Variants in NOS1 observed in about 807,000 individuals in gnomAD.
The protein encoded by NOS1 is NOS type I.
A neutral mutation model predicts 164.5 loss-of-function variants in NOS1; 51 were observed. That is an observed-to-expected ratio of 0.31 (90% CI 0.25 to 0.39). NOS1 has a LOEUF of 0.39. Ranked by LOEUF, NOS1 falls within the 10% of genes least tolerant of loss-of-function variation. The pLI is 1.00. For synonymous variants in NOS1, 719 were observed against 745.8 expected (o/e 0.96, Z 0.59); for missense variants, 1,362 against 1,885.6 (o/e 0.72, Z 5.14).
chr12:117,242,909 C>T (rs1870301965), intron 19 of NOS1, among the ~76,000 whole-genome samples: 1 of 152,204 alleles, frequency 6.6e-6, no homozygotes, highest in Admixed American at 6.5e-5. Flanking sequence ...AACAAACACT[C>T]TGCAGCATTG....
In NOS1 at chr12:117,212,979, T is replaced by C; in HGVS notation, c.*2330A>G. ...AAGGTGTTTACTTAAAAAAAAATCT[T>C]TCTGGAGAAGAAGGATGAATCCTGG... On this transcript the variant is annotated 3_prime_UTR_variant, in exon 29 of 29. Transcript: ENST00000317775. 1 of 985,220 alleles carries C rather than the reference T, an allele frequency of 1.0e-6. No homozygotes were observed. The highest frequency in any genetic ancestry group is 1.2e-6 in the Non-Finnish European group (1 of 829,910). The allele number at this position is 985,220 out of a possible 1,614,324, so 61.0% of individuals were successfully genotyped here. A position where few individuals can be genotyped will look rare whatever the true frequency, so the allele number is the denominator to read the frequency against.
chr12:117,322,320 TCCTTCCC>T (rs1875000877), intron 2 of NOS1, among the ~76,000 whole-genome samples: 2 of 88,296 alleles, frequency 2.3e-5, no homozygotes, highest in Non-Finnish European at 5.0e-5. Flanking sequence ...TCCCTCCTCT[TCCTTCCC>T]TCCTTCCTTC....
In NOS1 at chr12:117,356,436, GT is replaced by G. The variant is rs1287495753; in HGVS notation, c.-421+5075del. On this transcript the variant is annotated intron_variant, in intron 1 of 28. Coordinates refer to ENST00000317775, the MANE Select transcript of NOS1 (RefSeq NM_000620.5). The surrounding 1 kb of genome is among the most constrained non-coding windows in gnomAD (Gnocchi z 4.2). ...TCCTCCCTGATTCCTTCAACCACCTGTCCTGGGTCCTACCACAGCACCTCAC... is the reference window on the plus strand; with the variant it reads ...TCCTCCCTGATTCCTTCAACCACCTGCCTGGGTCCTACCACAGCACCTCAC... 3.3e-5 allele frequency among the ~76,000 whole-genome samples: 5 copies of G among 152,140 alleles called. No homozygotes were observed. The East Asian group carries it at 9.7e-4, about 29-fold the overall frequency.
At chr12:117,229,378 T>G (rs1281474639) in intron 22 of NOS1, among the ~76,000 whole-genome samples, 2 of 152,162 alleles carry the variant, frequency 1.3e-5, no homozygotes, top group Non-Finnish European at 2.9e-5. Flanking sequence ...CCTTTCTTCC[T>G]TTTCCTTTGG....
chr12:117,351,140 C>T (rs997770793), intron 1 of NOS1, among the ~76,000 whole-genome samples: 1 of 152,110 alleles, frequency 6.6e-6, no homozygotes, highest in African/African-American at 2.4e-5. Flanking sequence ...AAAAAAAAGT[C>T]TCTTGCCCTC....
chr12:117,214,994 C>G lies in NOS1; in HGVS notation c.*315G>C, dbSNP rs9658558. On this transcript the variant is annotated 3_prime_UTR_variant, in exon 29 of 29. Coordinates refer to ENST00000317775, the MANE Select transcript of NOS1 (RefSeq NM_000620.5). ...CAGGGGAACCCCAGAGAAAAAAACCCCCACAGCGACGGCCATGTTCCAGTG... is the reference window on the plus strand; with the variant it reads ...CAGGGGAACCCCAGAGAAAAAAACCGCCACAGCGACGGCCATGTTCCAGTG... 1 of 1,129,680 alleles carries G rather than the reference C, an allele frequency of 8.9e-7. No homozygotes were observed. The highest frequency in any genetic ancestry group is 1.6e-5 in the African/African-American group (1 of 62,140). 70.0% of individuals were successfully genotyped at this position (1,129,680 alleles called of 1,614,324 possible).
In NOS1 at chr12:117,243,743, T is replaced by TCCATCCATCCAC. The variant is rs942766750; in HGVS notation, c.2824-320_2824-309dup. Among the ~76,000 whole-genome samples, 3 of 151,858 alleles carry TCCATCCATCCAC rather than the reference T, an allele frequency of 2.0e-5. No homozygotes were observed. Among genetic ancestry groups the TCCATCCATCCAC allele is most frequent in the Non-Finnish European group, 4.4e-5 (3 of 67,930 alleles). ...ATCCATGTATCTATCTTTCCATCCA[T>TCCATCCATCCAC]CCATCCATCCACCCATCCATCCACC... On this transcript the variant is annotated intron_variant, in intron 18 of 28. Coordinates refer to ENST00000317775, the MANE Select transcript of NOS1 (RefSeq NM_000620.5). The surrounding 1 kb of genome is among the most constrained non-coding windows in gnomAD (Gnocchi z 4.3).
chr12:117,290,164 G>C, intron 4 of NOS1, 134 bp downstream of exon 4: 1 of 1,018,064 alleles, frequency 9.8e-7, no homozygotes, highest in Non-Finnish European at 1.4e-6. Context: ...CTGACATCTA[G>C]GGGGTATGGG....
At chr12:117,357,371 T>G (rs1304964886) in intron 1 of NOS1, among the ~76,000 whole-genome samples, 1 of 152,182 alleles carries the variant, frequency 6.6e-6, no homozygotes, top group Non-Finnish European at 1.5e-5. Context: ...ATTTTCAGTC[T>G]CCTCTGAGCA....
chr12:117,304,911 A>G (rs1249412396), intron 3 of NOS1: 1 of 678,452 alleles, frequency 1.5e-6, no homozygotes, highest in Non-Finnish European at 1.8e-6. Flanking sequence ...TCCTCCAGGA[A>G]CTTATAGTCT....
chr12:117,265,778 T>C (rs1016016024), intron 11 of NOS1, among the ~76,000 whole-genome samples: 50 of 151,928 alleles, frequency 3.3e-4, no homozygotes, highest in Non-Finnish European at 6.9e-4. Context: ...CCCATCTTTT[T>C]TTTCTTTCTT....
intron 16 of NOS1, among the ~76,000 whole-genome samples, chr12:117,256,340 G>T (rs1165600758): frequency 7.1e-6 from 1 of 140,100 alleles, no homozygotes; most frequent in Admixed American, 8.2e-5. Context: ...GTGCAGTAGC[G>T]CAATCTCGGC....
At chr12:117,358,489 TG>T (rs1876962382) in intron 1 of NOS1, among the ~76,000 whole-genome samples, 2 of 152,228 alleles carry the variant, frequency 1.3e-5, no homozygotes, top group Non-Finnish European at 2.9e-5. Context: ...AATGGCTCCA[TG>T]GGACACTCTT....
At chr12:117,339,322 G>GGTA (rs1875986008) in intron 1 of NOS1, among the ~76,000 whole-genome samples, 1 of 152,182 alleles carries the variant, frequency 6.6e-6, no homozygotes, top group Non-Finnish European at 1.5e-5. Flanking sequence ...ATATCTCAGA[G>GGTA]GTAGTAACAG....
At chr12:117,227,844 T>C (rs549677965) in intron 22 of NOS1, among the ~76,000 whole-genome samples, 1 of 152,098 alleles carries the variant, frequency 6.6e-6, no homozygotes, top group Non-Finnish European at 1.5e-5. Flanking sequence ...CTGGGAAACA[T>C]AGTAAGACCC....
chr12:117,299,374 C>G (rs1873645196), intron 3 of NOS1, among the ~76,000 whole-genome samples: 1 of 152,044 alleles, frequency 6.6e-6, no homozygotes, highest in Admixed American at 6.5e-5. Flanking sequence ...CGCGGTGGCT[C>G]ACGCCTGTAA....
chr12:117,343,335 T>C (rs777044431), intron 1 of NOS1, among the ~76,000 whole-genome samples: 3 of 152,114 alleles, frequency 2.0e-5, no homozygotes, highest in Non-Finnish European at 4.4e-5. Flanking sequence ...ATGAAATTCA[T>C]TTCATAGAAC....
At chr12:117,258,582 G>T in intron 15 of NOS1, 127 bp from the exon 16 acceptor site, 2 of 883,498 alleles carry the variant, frequency 2.3e-6, no homozygotes, top group Admixed American at 4.0e-5. Context: ...GATGTCAGGA[G>T]CGGTCAGGGG....
chr12:117,283,268 C>A (rs914003854), intron 7 of NOS1, among the ~76,000 whole-genome samples: 2 of 151,932 alleles, frequency 1.3e-5, no homozygotes, highest in African/African-American at 4.8e-5. Flanking sequence ...CACCATATTG[C>A]CCAGGCTGGT....
Sources: allele counts gnomAD v4.1 joint callset (sites outside exome capture counted in the v4.1 genomes callset), GRCh38; gene constraint gnomAD v4.1.1; non-coding constraint Gnocchi (gnomAD v3.1); transcripts MANE v1.5; gene names NCBI Gene and HGNC (gene_info 2026-07-23, HGNC 2026-07-21).